The following PHYHIPL variants were observed in gnomAD, a reference collection of about 807,000 sequenced individuals.
PHYHIPL encodes the protein phytanoyl-CoA hydroxylase-interacting protein-like.
Under a neutral mutation model 33.4 loss-of-function variants are expected in PHYHIPL, and 9 were observed. The observed-to-expected ratio is 0.27, with a 90% CI of 0.16 to 0.47. The LOEUF (loss-of-function observed/expected upper bound fraction) is 0.47, where lower values mean the gene tolerates loss of function less well. Among genes scored for constraint, PHYHIPL ranks in the 20% least tolerant of loss-of-function variants. The pLI, the probability that PHYHIPL is intolerant of heterozygous loss-of-function variation, is 0.99. For missense variants in PHYHIPL, 365 were observed against 460.7 expected (o/e 0.79, Z 1.90); for synonymous variants, 153 against 154.1 (o/e 0.99, Z 0.05).
In PHYHIPL at chr10:59,246,844, T is replaced by G; in HGVS notation, c.*1253T>G. ...GCAATAATACTATGGACACATTAGATTATATACTACAGACACATATCTATC... is the reference window on the plus strand; with the variant it reads ...GCAATAATACTATGGACACATTAGAGTATATACTACAGACACATATCTATC... On this transcript the variant is annotated 3_prime_UTR_variant, in exon 5 of 5. Coordinates refer to ENST00000373880, the MANE Select transcript of PHYHIPL (RefSeq NM_032439.4). 2.6e-6 allele frequency: 1 copy of G among 383,512 alleles called. No homozygotes were observed. Among genetic ancestry groups the G allele is most frequent in the Non-Finnish European group, 4.6e-6 (1 of 216,688 alleles). The allele number at this position is 383,512 out of a possible 1,614,324, so 23.8% of individuals were successfully genotyped here. A position where few individuals can be genotyped will look rare whatever the true frequency, so the allele number is the denominator to read the frequency against.
At chr10:59,203,605 A>T (rs1240181596) in intron 1 of PHYHIPL, among the ~76,000 whole-genome samples, 1 of 152,120 alleles carries the variant, frequency 6.6e-6, no homozygotes, top group Non-Finnish European at 1.5e-5. Context: ...TGATGAGTTC[A>T]TGTCCTTTGT....
chr10:59,188,352 C>A (rs1173962465), intron 1 of PHYHIPL, among the ~76,000 whole-genome samples: 2 of 152,070 alleles, frequency 1.3e-5, no homozygotes, highest in Non-Finnish European at 2.9e-5. Flanking sequence ...AATTTCTGTT[C>A]TTTTACATTT....
chr10:59,174,184 C>T (rs926304775), upstream of PHYHIPL, among the ~76,000 whole-genome samples: 1 of 152,054 alleles, frequency 6.6e-6, no homozygotes, highest in Middle Eastern at 3.4e-3. Context: ...CAACCCCTCA[C>T]CCTACATCTT....
intron 1 of PHYHIPL, among the ~76,000 whole-genome samples, chr10:59,191,068 T>C (rs1306892819): frequency 1.3e-5 from 2 of 151,916 alleles, no homozygotes; most frequent in Non-Finnish European, 2.9e-5. Context: ...TGTCTCAATA[T>C]TTCTGACAGT....
intron 1 of PHYHIPL, among the ~76,000 whole-genome samples, chr10:59,191,221 GA>G (rs1322792537): frequency 1.3e-5 from 2 of 151,880 alleles, no homozygotes; most frequent in Non-Finnish European, 2.9e-5. Context: ...TATTCTCATT[GA>G]GTTAAATTGG....
At chr10:59,223,372 A>C (rs1298064870) in intron 1 of PHYHIPL, among the ~76,000 whole-genome samples, 1 of 152,078 alleles carries the variant, frequency 6.6e-6, no homozygotes, top group Non-Finnish European at 1.5e-5. Context: ...TGCTATCTTA[A>C]TATGCCAGCC....
chr10:59,202,962 A>AT (rs1329207338), intron 1 of PHYHIPL, among the ~76,000 whole-genome samples: 1 of 152,212 alleles, frequency 6.6e-6, no homozygotes, highest in African/African-American at 2.4e-5. Flanking sequence ...TGCAGCACCC[A>AT]TAACTTCTGC....
intron 1 of PHYHIPL, among the ~76,000 whole-genome samples, chr10:59,202,863 C>T (rs1019628793): frequency 2.0e-5 from 3 of 152,108 alleles, no homozygotes; most frequent in Non-Finnish European, 4.4e-5. Flanking sequence ...GTACCTTAGA[C>T]ATGATTTTTC....
intron 1 of PHYHIPL, chr10:59,177,219 C>G (rs2133169236): frequency 1.7e-6 from 1 of 584,656 alleles, no homozygotes; most frequent in Non-Finnish European, 2.9e-6. Flanking sequence ...CCCGCCTGGC[C>G]CGGACGAGGG....
chr10:59,184,308 T>G (rs1192200936), intron 1 of PHYHIPL, among the ~76,000 whole-genome samples: 3 of 152,196 alleles, frequency 2.0e-5, no homozygotes, highest in African/African-American at 4.8e-5. Flanking sequence ...ACAGACCACA[T>G]AGCCCACAAA....
rs143381857 is a variant in PHYHIPL, at chr10:59,190,126, T to C, written c.106+13167T>C. On this transcript the variant is annotated intron_variant, in intron 1 of 4. Transcript: ENST00000373880. Reference sequence around the variant, plus strand: ...TTTTATACGTACAGCATTTTTCAAATAGTCAATCAGTGGTATAGTGGGAAT... The same window carrying C: ...TTTTATACGTACAGCATTTTTCAAACAGTCAATCAGTGGTATAGTGGGAAT... 9.2e-5 allele frequency among the ~76,000 whole-genome samples: 14 copies of C among 152,136 alleles called. No homozygotes were observed. The East Asian group carries it at 2.5e-3, about 27-fold the overall frequency.
At chr10:59,185,554 T>G (rs1187333633) in intron 1 of PHYHIPL, among the ~76,000 whole-genome samples, 1 of 152,190 alleles carries the variant, frequency 6.6e-6, no homozygotes, top group African/African-American at 2.4e-5. Flanking sequence ...ACTTCCACAA[T>G]GGTTGAACTA....
intron 1 of PHYHIPL, among the ~76,000 whole-genome samples, chr10:59,220,046 C>G (rs1839721622): frequency 6.6e-6 from 1 of 152,074 alleles, no homozygotes; most frequent in South Asian, 2.1e-4. Context: ...TCCTTTCACA[C>G]CATTTATTGT....
intron 4 of PHYHIPL, 105 bp downstream of exon 4, chr10:59,238,810 T>C: frequency 1.6e-6 from 1 of 624,680 alleles, no homozygotes; most frequent in Non-Finnish European, 2.7e-6. Flanking sequence ...ATTCTAGATT[T>C]CTTTTCAAAA....
intron 1 of PHYHIPL, among the ~76,000 whole-genome samples, chr10:59,203,105 T>A (rs1049537303): frequency 1.3e-5 from 2 of 152,048 alleles, no homozygotes; most frequent in African/African-American, 4.8e-5. Flanking sequence ...AGGTGGGCAA[T>A]GGATATGAAC....
chr10:59,216,459 T>C (rs1839615050), intron 1 of PHYHIPL, among the ~76,000 whole-genome samples: 1 of 152,122 alleles, frequency 6.6e-6, no homozygotes, highest in Non-Finnish European at 1.5e-5. Flanking sequence ...AAGAGTCTTA[T>C]GACCTACTTC....
intron 1 of PHYHIPL, among the ~76,000 whole-genome samples, chr10:59,187,881 G>A (rs968780677): frequency 5.9e-5 from 9 of 151,834 alleles, no homozygotes; most frequent in African/African-American, 1.5e-4. Flanking sequence ...TCTTGCTAGC[G>A]GTCTATCCAT....
intron 1 of PHYHIPL, among the ~76,000 whole-genome samples, chr10:59,224,497 A>AAACAAAACAC (rs370140471): frequency 0.12 from 8,552 of 70,476 alleles, 316 homozygotes; most frequent in South Asian, 0.21. Context: ...AAACAAAACA[A>AAACAAAACAC]AAAACAAAAC....
At chr10:59,185,798 T>C in intron 1 of PHYHIPL, among the ~76,000 whole-genome samples, 1 of 152,218 alleles carries the variant, frequency 6.6e-6, no homozygotes, top group Non-Finnish European at 1.5e-5. Flanking sequence ...CTTTGCCCAC[T>C]TTTTGATGGG....
Sources: allele counts gnomAD v4.1 joint callset (sites outside exome capture counted in the v4.1 genomes callset), GRCh38; gene constraint gnomAD v4.1.1; transcripts MANE v1.5; gene names NCBI Gene and HGNC (gene_info 2026-07-23, HGNC 2026-07-21).